The following SLCO1A2 variants were observed in gnomAD, a reference collection of about 807,000 sequenced individuals.
The protein encoded by SLCO1A2 is OATP-1.
Under a neutral mutation model 69.0 loss-of-function variants are expected in SLCO1A2, and 67 were observed. The ratio of observed to expected loss-of-function variants is 0.97; its 90% confidence interval spans 0.80 to 1.19. The LOEUF is 1.19. Among genes scored for constraint, SLCO1A2 ranks in the 50% most tolerant of loss-of-function variants. The probability of loss-of-function intolerance (pLI) is 0.00; values close to 1 mark genes in which losing one functional copy is unlikely to be tolerated. For missense variants in SLCO1A2, 787 were observed against 793.7 expected (o/e 0.99, Z 0.10); for synonymous variants, 260 against 265.9 (o/e 0.98, Z 0.22).
At chr12:21,355,569 T>G (rs528437731) in intron 2 of SLCO1A2, among the ~76,000 whole-genome samples, 1 of 152,272 alleles carries the variant, frequency 6.6e-6, no homozygotes, top group Middle Eastern at 3.4e-3. Context: ...TTTCCTATAT[T>G]ACCCTTAATC....
chr12:21,291,448 T>C (rs1946834114), intron 12 of SLCO1A2, among the ~76,000 whole-genome samples: 1 of 152,132 alleles, frequency 6.6e-6, no homozygotes, highest in Non-Finnish European at 1.5e-5. Flanking sequence ...TGCACTGGCC[T>C]ATGATGATAA....
chr12:21,372,019 AAAAG>A (rs576742850), intron 2 of SLCO1A2, among the ~76,000 whole-genome samples: 25 of 150,982 alleles, frequency 1.7e-4, no homozygotes, highest in Non-Finnish European at 3.4e-4. Context: ...AAAAGAAAAA[AAAAG>A]AAAGAGAGAA....
intron 1 of SLCO1A2, among the ~76,000 whole-genome samples, chr12:21,393,571 T>C (rs1260810611): frequency 6.6e-6 from 1 of 152,188 alleles, no homozygotes; most frequent in Non-Finnish European, 1.5e-5. Flanking sequence ...AAATAAATCT[T>C]TGCTCAGCTT....
upstream of SLCO1A2, among the ~76,000 whole-genome samples, chr12:21,335,208 T>C (rs1952840951): frequency 6.6e-6 from 1 of 151,940 alleles, no homozygotes; most frequent in African/African-American, 2.4e-5. Flanking sequence ...GGAAACACTT[T>C]CTGGGGCACT....
chr12:21,300,682 A>G, intron 7 of SLCO1A2, 113 bp from the exon 8 acceptor site: 1 of 824,724 alleles, frequency 1.2e-6, no homozygotes, highest in Non-Finnish European at 1.8e-6. Flanking sequence ...AAATTGGCTT[A>G]TAATTCAGAC....
intron 2 of SLCO1A2, among the ~76,000 whole-genome samples, chr12:21,349,021 G>C (rs1937720106): frequency 6.6e-6 from 1 of 152,122 alleles, no homozygotes; most frequent in Non-Finnish European, 1.5e-5. Context: ...GGGGTAGGAG[G>C]CATATGGGAA....
chr12:21,309,506 A>G (rs1357711516), intron 4 of SLCO1A2, among the ~76,000 whole-genome samples: 1 of 152,200 alleles, frequency 6.6e-6, no homozygotes, highest in East Asian at 1.9e-4. Context: ...AGTGTTAGAT[A>G]GAGCTAGAAA....
intron 1 of SLCO1A2, among the ~76,000 whole-genome samples, chr12:21,392,985 C>CGTAAGATT (rs1941236434): frequency 1.3e-5 from 2 of 152,050 alleles, no homozygotes; most frequent in African/African-American, 4.8e-5. Context: ...TATCTCTCAC[C>CGTAAGATT]TATTCTAAAT....
chr12:21,312,270 G>A (rs1565491391), intron 4 of SLCO1A2, among the ~76,000 whole-genome samples: 2 of 152,154 alleles, frequency 1.3e-5, no homozygotes, highest in African/African-American at 4.8e-5. Flanking sequence ...TAAACCTCAT[G>A]AACCCACCTC....
Position 21,314,559 on chromosome 12 carries a change from G to A in SLCO1A2, c.325C>T (p.Leu109Phe), listed in dbSNP as rs1013973084. ...GACTGGAGTACTTACTGGTTCATGA[G>A]GAAATGAGGTAGTGATTTTAAGAAA... ...GCFLKSLPHF[L>F]MNQYEYESTV... is the part of the protein sequence containing the mutation. The change falls in exon 4 of 15, where the codon CTC becomes TTC. Residue 109 changes from leucine to phenylalanine, a missense_variant. Leu to Phe is a conservative substitution (Grantham distance 22). Transcript: ENST00000683939. 1 of 1,613,956 alleles carries A rather than the reference G, an allele frequency of 6.2e-7. No homozygotes were observed. The highest frequency in any genetic ancestry group is 2.2e-5 in the East Asian group (1 of 44,866).
intron 9 of SLCO1A2, among the ~76,000 whole-genome samples, chr12:21,296,993 G>A (rs1373077720): frequency 1.3e-5 from 2 of 152,100 alleles, no homozygotes; most frequent in East Asian, 1.9e-4. Flanking sequence ...CCACTAGGGG[G>A]ACCAAAAAAT....
At position 21,275,427 on chromosome 12, in the gene SLCO1A2, G is replaced by T. The variant is rs1943642109; in HGVS notation, c.1611-3C>A. The T allele has an allele frequency of 2.7e-6, 4 of 1,464,478 alleles. No homozygotes were observed. In the African/African-American group the frequency reaches 5.7e-5, roughly 21 times the overall value. The allele number at this position is 1,464,478 out of a possible 1,614,324, so 90.7% of individuals were successfully genotyped here. A position where few individuals can be genotyped will look rare whatever the true frequency, so the allele number is the denominator to read the frequency against. On this transcript the variant is annotated splice_region_variant and splice_polypyrimidine_tract_variant and intron_variant, in intron 12 of 14. Transcript: ENST00000683939. Reference sequence around the variant, plus strand: ...ACTTCTCTTCAGATTTCATACACCTGAAAAGTAAATAAGTTTGTAAATAAA... The same window carrying T: ...ACTTCTCTTCAGATTTCATACACCTTAAAAGTAAATAAGTTTGTAAATAAA...
chr12:21,323,566 G>A (rs181713772), intron 2 of SLCO1A2, among the ~76,000 whole-genome samples: 2 of 152,054 alleles, frequency 1.3e-5, no homozygotes, highest in East Asian at 1.9e-4. Context: ...CCCTGAGTGA[G>A]TCTCAAAAAA....
chr12:21,320,933 T>C (rs1951530323), intron 2 of SLCO1A2, among the ~76,000 whole-genome samples: 1 of 152,214 alleles, frequency 6.6e-6, no homozygotes, highest in Non-Finnish European at 1.5e-5. Flanking sequence ...TCAGCCTTGA[T>C]GGTTAGCTAC....
intron 1 of SLCO1A2, chr12:21,417,800 A>G (rs1565536379): frequency 6.6e-6 from 1 of 152,270 alleles, no homozygotes; most frequent in East Asian, 1.9e-4. Context: ...GACAAACTTT[A>G]GATCCCATTA....
intron 1 of SLCO1A2, among the ~76,000 whole-genome samples, chr12:21,412,861 G>A (rs924321453): frequency 6.6e-6 from 1 of 152,152 alleles, no homozygotes. Flanking sequence ...ACGGTGCTAT[G>A]ACCTGTACAC....
chr12:21,350,914 T>A (rs9919728), intron 2 of SLCO1A2, among the ~76,000 whole-genome samples: 29,114 of 150,378 alleles, frequency 0.19, 3,462 homozygotes, highest in East Asian at 0.43. Flanking sequence ...TTTTAATAGT[T>A]TTCTTACATA....
chr12:21,333,602 T>C (rs139262568), intron 2 of SLCO1A2, among the ~76,000 whole-genome samples: 87 of 152,204 alleles, frequency 5.7e-4, no homozygotes, highest in African/African-American at 2.0e-3. Flanking sequence ...TATCTAACCT[T>C]GCTAAACTCC....
chr12:21,269,482 A>G lies in SLCO1A2; in HGVS notation c.*66T>C. On this transcript the variant is annotated 3_prime_UTR_variant, in exon 15 of 15. Coordinates refer to ENST00000683939, the MANE Select transcript of SLCO1A2 (RefSeq NM_001386879.1). Reference sequence around the variant, plus strand: ...AAAGTTATCTATTATATCTCTACTGATTTTTAAAACAATTAAGTTGTACAG... The same window carrying G: ...AAAGTTATCTATTATATCTCTACTGGTTTTTAAAACAATTAAGTTGTACAG... 8.0e-7 allele frequency: 1 copy of G among 1,250,178 alleles called. No homozygotes were observed. The highest frequency in any genetic ancestry group is 1.4e-5 in the South Asian group (1 of 70,770). 77.4% of individuals were successfully genotyped at this position (1,250,178 alleles called of 1,614,324 possible).
Sources: gnomAD v4.1 joint callset for allele counts (sites outside exome capture counted in the v4.1 genomes callset) on GRCh38, gnomAD v4.1.1 for gene constraint, MANE v1.5 for transcripts, NCBI Gene and HGNC (gene_info 2026-07-23, HGNC 2026-07-21) for gene names.